Variants in LRMDA observed in about 807,000 individuals in gnomAD.
LRMDA encodes the protein leucine rich melanocyte differentiation associated.
In LRMDA, 18 loss-of-function variants were observed where a neutral mutation model predicts 29.8. The observed-to-expected ratio is 0.60, with a 90% CI of 0.42 to 0.90. LRMDA has a LOEUF of 0.90. Ranked by LOEUF, LRMDA falls within the 40% of genes least tolerant of loss-of-function variation. The pLI is 0.00. For synonymous variants in LRMDA, 125 were observed against 109.4 expected (o/e 1.14, Z -0.89); for missense variants, 273 against 273.9 (o/e 1.00, Z 0.02).
At chr10:76,355,984 T>A (rs1187271326) in intron 6 of LRMDA, among the ~76,000 whole-genome samples, 1 of 152,168 alleles carries the variant, frequency 6.6e-6, no homozygotes, top group Non-Finnish European at 1.5e-5. Context: ...TCATTAGAGG[T>A]GAGGCAGTCT....
intron 2 of LRMDA, among the ~76,000 whole-genome samples, chr10:75,505,950 C>T (rs1342314089): frequency 6.6e-6 from 1 of 152,142 alleles, no homozygotes; most frequent in Non-Finnish European, 1.5e-5. Flanking sequence ...CTCCTCCATC[C>T]CTCTTGTAGT....
chr10:75,587,045 T>C (rs1032286636), intron 2 of LRMDA, among the ~76,000 whole-genome samples: 1 of 152,244 alleles, frequency 6.6e-6, no homozygotes, highest in African/African-American at 2.4e-5. Flanking sequence ...CATGACATCA[T>C]TGCTGAGACC....
chr10:75,987,704 C>T (rs567399884), intron 2 of LRMDA, among the ~76,000 whole-genome samples: 1 of 152,170 alleles, frequency 6.6e-6, no homozygotes, highest in South Asian at 2.1e-4. Flanking sequence ...AATCTGTGGT[C>T]TCTGTGGGTT....
rs560597316 is a variant in LRMDA, at chr10:75,976,732, A to G, written c.132-59276A>G. Among the ~76,000 whole-genome samples, 26 of 152,326 alleles carry G rather than the reference A, an allele frequency of 1.7e-4. 2 individuals are homozygous for G. Among genetic ancestry groups the G allele is most frequent in the African/African-American group, 5.8e-4 (24 of 41,564 alleles). On this transcript the variant is annotated intron_variant, in intron 2 of 6. Coordinates refer to ENST00000611255, the MANE Select transcript of LRMDA (RefSeq NM_001305581.2). ...TGGATATTATTATTATTCCCATTTTACTGATGAGGAAACTGAGGTATGGAG... is the reference window on the plus strand; with the variant it reads ...TGGATATTATTATTATTCCCATTTTGCTGATGAGGAAACTGAGGTATGGAG...
chr10:76,417,845 A>C (rs934929426), intron 6 of LRMDA, among the ~76,000 whole-genome samples: 8 of 152,198 alleles, frequency 5.3e-5, no homozygotes, highest in African/African-American at 4.8e-5. Context: ...ACTACAGTAC[A>C]CCTAACATTT....
intron 2 of LRMDA, among the ~76,000 whole-genome samples, chr10:75,744,911 A>C (rs7098182): frequency 0.061 from 9,217 of 152,206 alleles, 790 homozygotes; most frequent in African/African-American, 0.19. Flanking sequence ...CTGCCTGAAG[A>C]CCTTCCTGTG....
chr10:76,435,366 G>A (rs543131024), intron 6 of LRMDA, among the ~76,000 whole-genome samples: 2 of 152,280 alleles, frequency 1.3e-5, no homozygotes, highest in Non-Finnish European at 2.9e-5. Context: ...GGCCCCAGAA[G>A]CTGCTTAGAT....
intron 2 of LRMDA, among the ~76,000 whole-genome samples, chr10:75,610,769 A>G (rs1263511907): frequency 1.3e-5 from 2 of 152,208 alleles, no homozygotes; most frequent in African/African-American, 4.8e-5. Flanking sequence ...AACCTTTAAG[A>G]ATCATTTATT....
chr10:75,899,088 C>A (rs1845629835), intron 2 of LRMDA, among the ~76,000 whole-genome samples: 1 of 152,188 alleles, frequency 6.6e-6, no homozygotes. Context: ...TAGTCAGGTT[C>A]ATATATAGGG....
chr10:75,484,051 G>A (rs1844882740), intron 2 of LRMDA, among the ~76,000 whole-genome samples: 1 of 151,998 alleles, frequency 6.6e-6, no homozygotes, highest in South Asian at 2.1e-4. Context: ...TGCTTCATGG[G>A]CTTAAGCAAT....
chr10:75,466,951 T>C (rs770404878), intron 2 of LRMDA, among the ~76,000 whole-genome samples: 3 of 152,162 alleles, frequency 2.0e-5, no homozygotes, highest in Admixed American at 1.3e-4. Context: ...GCAGTTTTTT[T>C]TTTTCCAGTG....
intron 2 of LRMDA, among the ~76,000 whole-genome samples, chr10:75,598,793 C>CA (rs1190315825): frequency 6.6e-6 from 1 of 151,948 alleles, no homozygotes; most frequent in Non-Finnish European, 1.5e-5. Context: ...ATGGAGGGGG[C>CA]AAAAAAGCAT....
At chr10:75,690,992 TATACACACAC>T (rs1175792880) in intron 2 of LRMDA, among the ~76,000 whole-genome samples, 4 of 94,062 alleles carry the variant, frequency 4.3e-5, no homozygotes, top group Non-Finnish European at 6.1e-5. Flanking sequence ...TATATATATA[TATACACACAC>T]ACACACACAC....
intron 5 of LRMDA, among the ~76,000 whole-genome samples, chr10:76,172,518 G>T (rs1589362832): frequency 1.3e-5 from 2 of 152,174 alleles, no homozygotes; most frequent in South Asian, 4.1e-4. Context: ...CCAGAAAGGA[G>T]AGCATTAATG....
intron 6 of LRMDA, among the ~76,000 whole-genome samples, chr10:76,474,005 G>A (rs1164691905): frequency 6.6e-6 from 1 of 151,552 alleles, no homozygotes; most frequent in Admixed American, 6.6e-5. Context: ...ACTGGCATTG[G>A]AATACACACA....
intron 5 of LRMDA, among the ~76,000 whole-genome samples, chr10:76,123,896 G>A (rs1162135367): frequency 6.6e-6 from 1 of 152,236 alleles, no homozygotes; most frequent in African/African-American, 2.4e-5. Flanking sequence ...ATAACTGGTT[G>A]AAGGATGGAT....
At chr10:76,363,176 A>AGAAAGAAAGAGGGAG (rs1459442138) in intron 6 of LRMDA, among the ~76,000 whole-genome samples, 347 of 21,790 alleles carry the variant, frequency 0.016, 32 homozygotes, top group African/African-American at 0.032. Context: ...AAAGAAAGAA[A>AGAAAGAAAGAGGGAG]GGAGGGAGGG....
At chr10:75,987,919 C>T (rs926757426) in intron 2 of LRMDA, among the ~76,000 whole-genome samples, 2 of 152,202 alleles carry the variant, frequency 1.3e-5, no homozygotes, top group African/African-American at 4.8e-5. Context: ...AACTACAGTG[C>T]AATGCAGAGC....
chr10:75,619,496 A>G (rs1841152278), intron 2 of LRMDA, among the ~76,000 whole-genome samples: 2 of 152,182 alleles, frequency 1.3e-5, no homozygotes, highest in African/African-American at 4.8e-5. Context: ...GCTATGTTAG[A>G]GGATACATGC....
Sources: allele counts gnomAD v4.1 joint callset (sites outside exome capture counted in the v4.1 genomes callset), GRCh38; gene constraint gnomAD v4.1.1; transcripts MANE v1.5; gene names NCBI Gene and HGNC (gene_info 2026-07-23, HGNC 2026-07-21).